The following SLC9A9 variants were observed in gnomAD, a reference collection of about 807,000 sequenced individuals.
The protein encoded by SLC9A9 is sodium/hydrogen exchanger 9.
In SLC9A9, 62 loss-of-function variants were observed where a neutral mutation model predicts 77.8. That is an observed-to-expected ratio of 0.80 (90% CI 0.65 to 0.98). The LOEUF (loss-of-function observed/expected upper bound fraction) is 0.98, where lower values mean the gene tolerates loss of function less well. SLC9A9 is among the 50% of genes least tolerant of loss of function. The probability of loss-of-function intolerance (pLI) is 0.00; values close to 1 mark genes in which losing one functional copy is unlikely to be tolerated. For missense variants in SLC9A9, 775 were observed against 774.9 expected, an observed-to-expected ratio of 1.00 and a Z score of 0.00; for synonymous variants, 320 against 283.5, an observed-to-expected ratio of 1.13 and a Z score of -1.29.
At chr3:143,820,259 A>G (rs2009132828) in intron 2 of SLC9A9, among the ~76,000 whole-genome samples, 1 of 152,192 alleles carries the variant, frequency 6.6e-6, no homozygotes, top group Admixed American at 6.5e-5. Flanking sequence ...TCTCCTACTC[A>G]TAAGTGGGTT....
At chr3:143,778,749 A>G (rs1014566264) in intron 4 of SLC9A9, among the ~76,000 whole-genome samples, 1 of 152,198 alleles carries the variant, frequency 6.6e-6, no homozygotes, top group African/African-American at 2.4e-5. Flanking sequence ...TTTCCTTACA[A>G]AAAGTTATTC....
At chr3:143,763,528 T>G (rs929996866) in intron 4 of SLC9A9, among the ~76,000 whole-genome samples, 13 of 152,180 alleles carry the variant, frequency 8.5e-5, no homozygotes, top group African/African-American at 2.9e-4. Context: ...AATACCATCA[T>G]GGATTTGTAC....
intron 4 of SLC9A9, among the ~76,000 whole-genome samples, chr3:143,703,342 A>T (rs1456032015): frequency 6.6e-6 from 1 of 152,134 alleles, no homozygotes; most frequent in East Asian, 1.9e-4. Context: ...TAAAACATTA[A>T]AAAAATTAAA....
chr3:143,446,182 T>A (rs746853742), intron 12 of SLC9A9, among the ~76,000 whole-genome samples: 3 of 151,938 alleles, frequency 2.0e-5, no homozygotes, highest in Non-Finnish European at 4.4e-5. Context: ...ATTGGAGTAA[T>A]GTCTTCCAAT....
At chr3:143,687,222 A>G (rs1933299847) in intron 5 of SLC9A9, among the ~76,000 whole-genome samples, 1 of 152,190 alleles carries the variant, frequency 6.6e-6, no homozygotes, top group African/African-American at 2.4e-5. Flanking sequence ...ATGAATATGA[A>G]GGAAATAATA....
At chr3:143,705,166 A>T (rs1933937980) in intron 4 of SLC9A9, among the ~76,000 whole-genome samples, 1 of 152,042 alleles carries the variant, frequency 6.6e-6, no homozygotes, top group Admixed American at 6.6e-5. Context: ...GCTGGAAGTT[A>T]TTATGTTAAG....
intron 11 of SLC9A9, among the ~76,000 whole-genome samples, chr3:143,477,362 C>T (rs1261567838): frequency 3.2e-4 from 45 of 140,378 alleles, no homozygotes; most frequent in African/African-American, 1.1e-3. Context: ...CTCCCCCCGC[C>T]GCCCCCTCCC....
chr3:143,366,639 C>T (rs2032910165), intron 13 of SLC9A9, among the ~76,000 whole-genome samples: 2 of 152,138 alleles, frequency 1.3e-5, no homozygotes, highest in South Asian at 2.1e-4. Context: ...GAACACTTGC[C>T]ATATGCCAGA....
At chr3:143,724,407 T>C (rs560242450) in intron 4 of SLC9A9, among the ~76,000 whole-genome samples, 19 of 152,332 alleles carry the variant, frequency 1.2e-4, no homozygotes, top group Admixed American at 1.0e-3. Flanking sequence ...CTTCATAAAT[T>C]ACCCAGTCTC....
intron 2 of SLC9A9, among the ~76,000 whole-genome samples, chr3:143,828,170 C>T (rs1300053163): frequency 6.6e-6 from 1 of 152,164 alleles, no homozygotes. Context: ...ATGTATTATC[C>T]ATATATGCAC....
chr3:143,566,124 T>C (rs1182591174), intron 8 of SLC9A9, among the ~76,000 whole-genome samples: 2 of 152,146 alleles, frequency 1.3e-5, no homozygotes, highest in Non-Finnish European at 2.9e-5. Flanking sequence ...TGTCCAGTAA[T>C]AGTCATTTCA....
In SLC9A9 at chr3:143,356,900, A is replaced by T. The variant is rs186266851; in HGVS notation, c.1604+6584T>A. On this transcript the variant is annotated intron_variant, in intron 14 of 15. Coordinates refer to ENST00000316549, the MANE Select transcript of SLC9A9 (RefSeq NM_173653.4). ...TTTGTCTACAGCAGCACCTGTAAGG[A>T]TATGGATGACCAAAAGCCAACCTAA... 3.3e-5 allele frequency among the ~76,000 whole-genome samples: 5 copies of T among 152,304 alleles called. No homozygotes were observed. In the East Asian group the frequency reaches 9.6e-4, roughly 29 times the overall value.
intron 9 of SLC9A9, among the ~76,000 whole-genome samples, chr3:143,510,763 C>G (rs931410300): frequency 2.0e-5 from 3 of 152,066 alleles, no homozygotes; most frequent in African/African-American, 7.2e-5. Flanking sequence ...ATGCATTGAA[C>G]ATCTTGCTGT....
At position 143,654,266 on chromosome 3, in the gene SLC9A9, T is replaced by TA. The variant is rs2038849631; in HGVS notation, c.650-1907dup. ...CATAATATATACAGTTCTTGTCAAT[T>TA]AAAAAGTGTTTTTAAAGAAGTTACT... On this transcript the variant is annotated intron_variant, in intron 5 of 15. Coordinates refer to ENST00000316549, the MANE Select transcript of SLC9A9 (RefSeq NM_173653.4). 2.6e-5 allele frequency among the ~76,000 whole-genome samples: 4 copies of TA among 152,332 alleles called. No homozygotes were observed. In the South Asian group the frequency reaches 8.3e-4, roughly 32 times the overall value.
intron 2 of SLC9A9, among the ~76,000 whole-genome samples, chr3:143,806,825 T>C (rs550058102): frequency 6.6e-6 from 1 of 152,126 alleles, no homozygotes; most frequent in African/African-American, 2.4e-5. Flanking sequence ...CAACAAGGTA[T>C]GTATAGTCAA....
chr3:143,824,587 C>G, intron 2 of SLC9A9, among the ~76,000 whole-genome samples: 1 of 152,174 alleles, frequency 6.6e-6, no homozygotes, highest in East Asian at 1.9e-4. Context: ...TTGTCTATCC[C>G]CCTCCAGGAA....
chr3:143,614,083 C>T (rs1021470480), intron 6 of SLC9A9, among the ~76,000 whole-genome samples: 2 of 152,116 alleles, frequency 1.3e-5, no homozygotes, highest in Non-Finnish European at 2.9e-5. Context: ...TTAGTTGTCC[C>T]TCAGCTCCAC....
At chr3:143,332,294 G>A (rs774690383) in intron 14 of SLC9A9, among the ~76,000 whole-genome samples, 23 of 142,586 alleles carry the variant, frequency 1.6e-4, no homozygotes, top group Non-Finnish European at 2.8e-4. Flanking sequence ...CTCTATGTAG[G>A]GTTCTAAAAA....
chr3:143,326,029 CTT>C (rs1331552605), intron 14 of SLC9A9, among the ~76,000 whole-genome samples: 2 of 152,130 alleles, frequency 1.3e-5, no homozygotes, highest in African/African-American at 4.8e-5. Flanking sequence ...TCTGCGAAAA[CTT>C]TATGTATTCA....
Sources: gnomAD v4.1 joint callset for allele counts (sites outside exome capture counted in the v4.1 genomes callset) on GRCh38, gnomAD v4.1.1 for gene constraint, MANE v1.5 for transcripts, NCBI Gene and HGNC (gene_info 2026-07-23, HGNC 2026-07-21) for gene names.